Variants in MGST1 observed in about 807,000 individuals in gnomAD.
MGST1 encodes microsomal glutathione S-transferase 1, also known as glutathione S-transferase 12.
Under a neutral mutation model 8.9 loss-of-function variants are expected in MGST1, and 5 were observed. The observed-to-expected ratio is 0.56, with a 90% CI of 0.29 to 1.19. The LOEUF (loss-of-function observed/expected upper bound fraction) is 1.19, where lower values mean the gene tolerates loss of function less well. Ranked by LOEUF, MGST1 falls within the 50% of genes most tolerant of loss-of-function variation. MGST1 has a pLI of 0.08. For missense variants in MGST1, 182 were observed against 187.4 expected (o/e 0.97, Z 0.17); for synonymous variants, 54 against 67.8 (o/e 0.80, Z 1.00).
chr12:16,424,983 G>T (rs951461113), intron 1 of MGST1, among the ~76,000 whole-genome samples: 16 of 152,068 alleles, frequency 1.1e-4, no homozygotes, highest in African/African-American at 3.9e-4. Context: ...CTATATAATA[G>T]AATCAATCTA....
intron 1 of MGST1, chr12:16,399,236 G>C: frequency 6.5e-7 from 1 of 1,547,866 alleles, no homozygotes; most frequent in Admixed American, 1.8e-5. Flanking sequence ...TCAGGGTTTG[G>C]CTAGAGGAAG....
intron 4 of MGST1, among the ~76,000 whole-genome samples, chr12:16,444,183 GTTT>G (rs1161206533): frequency 2.3e-5 from 3 of 128,492 alleles, no homozygotes; most frequent in African/African-American, 2.9e-5. Context: ...GGCTGATTTG[GTTT>G]TTTTTTTTTT....
intron 4 of MGST1, among the ~76,000 whole-genome samples, chr12:16,561,188 T>TA (rs913685964): frequency 6.6e-6 from 1 of 152,072 alleles, no homozygotes; most frequent in Non-Finnish European, 1.5e-5. Context: ...GTCTAGGATT[T>TA]AAAAAAAATT....
rs1021553850 is a variant in MGST1 at position 16,369,891 on chromosome 12, C to T, written c.222-6231C>T. On this transcript the variant is annotated intron_variant, in intron 3 of 3. Coordinates refer to the MGST1 transcript ENST00000535309. This position sits in a 1 kb window ranked among gnomAD's most constrained non-coding sequence, Gnocchi z 4.8. ...ACATGCCCTTGGCCAGAGAAAGTCA[C>T]AGGGCTGGCCTCAGAACTAAAGTGC... The T allele has an allele frequency of 6.6e-5, 10 of 152,236 alleles. No homozygotes were observed. Among genetic ancestry groups the T allele is most frequent in the African/African-American group, 2.4e-4 (10 of 41,446 alleles). The allele number at this position is 152,236 out of a possible 1,614,324, so 9.4% of individuals were successfully genotyped here.
intron 4 of MGST1, among the ~76,000 whole-genome samples, chr12:16,505,470 A>C (rs550947252): frequency 6.6e-6 from 1 of 152,048 alleles, no homozygotes; most frequent in South Asian, 2.1e-4. Flanking sequence ...GTTCCTCCTG[A>C]TTTTACTTTC....
At chr12:16,446,175 A>G (rs1268588001) in intron 4 of MGST1, among the ~76,000 whole-genome samples, 2 of 151,898 alleles carry the variant, frequency 1.3e-5, no homozygotes, top group Non-Finnish European at 2.9e-5. Context: ...TCACTATCGA[A>G]TTAGTGCCCA....
chr12:16,348,372 G>T (rs1456614615), intron 1 of MGST1, among the ~76,000 whole-genome samples: 1 of 152,186 alleles, frequency 6.6e-6, no homozygotes, highest in East Asian at 1.9e-4. Context: ...CACTTCCCCA[G>T]TCTGGAGGAG....
chr12:16,439,522 C>G (rs1266240202), downstream of MGST1, among the ~76,000 whole-genome samples: 1 of 151,738 alleles, frequency 6.6e-6, no homozygotes, highest in South Asian at 2.1e-4. Flanking sequence ...ATAGCCTTGC[C>G]CTAGAGCATT....
Position 16,475,331 on chromosome 12 carries a change from T to G in MGST1, n.482+91727T>G, listed in dbSNP as rs151163608. ...CTCAGTTTGAAACCTCTGGCTTATA[T>G]ATTAAAGCTGATGAATACAATTTTA... is the stretch of plus-strand genomic sequence containing the variant. On this transcript the variant is annotated intron_variant and non_coding_transcript_variant, in intron 4 of 4. Transcript: ENST00000538857. Among the ~76,000 whole-genome samples, 657 of 152,344 alleles carry G rather than the reference T, an allele frequency of 4.3e-3. 5 individuals are homozygous for G. Among genetic ancestry groups the G allele is most frequent in the African/African-American group, 0.015 (629 of 41,586 alleles).
In MGST1 at chr12:16,549,384, C is replaced by T. The variant is rs553845796; in HGVS notation, n.483-40144C>T. The T allele has an allele frequency of 3.3e-5, 5 of 152,562 alleles. No homozygotes were observed. In the East Asian group the frequency reaches 9.6e-4, roughly 29 times the overall value. The allele number at this position is 152,562 out of a possible 1,614,324, so 9.5% of individuals were successfully genotyped here. A position where few individuals can be genotyped will look rare whatever the true frequency, so the allele number is the denominator to read the frequency against. On this transcript the variant is annotated intron_variant and non_coding_transcript_variant, in intron 4 of 4. Coordinates refer to the MGST1 transcript ENST00000538857. ...TAACCATGAAGCATTTGGAAAAATA[C>T]ATATCATTCACTTTTCACAGAACCA...
chr12:16,575,186 C>T (rs1942955200), intron 4 of MGST1, among the ~76,000 whole-genome samples: 2 of 152,152 alleles, frequency 1.3e-5, no homozygotes, highest in South Asian at 4.1e-4. Context: ...GCTCCCTATT[C>T]TCTTTTGCAG....
At chr12:16,421,263 T>G (rs1940833015) in intron 1 of MGST1, among the ~76,000 whole-genome samples, 1 of 152,110 alleles carries the variant, frequency 6.6e-6, no homozygotes, top group African/African-American at 2.4e-5. Context: ...TGATCAAAAT[T>G]CATTACCTCT....
intron 4 of MGST1, among the ~76,000 whole-genome samples, chr12:16,580,531 A>C (rs554290188): frequency 1.3e-5 from 2 of 152,202 alleles, no homozygotes; most frequent in Non-Finnish European, 2.9e-5. Flanking sequence ...CCTTTGGAGG[A>C]CTTTTCTGGG....
chr12:16,374,979 C>T (rs1940356250), intron 3 of MGST1, among the ~76,000 whole-genome samples: 1 of 152,146 alleles, frequency 6.6e-6, no homozygotes. Flanking sequence ...CTCCTGGGCT[C>T]AAGCGATCCT....
chr12:16,441,066 G>T (rs1426822554), downstream of MGST1, among the ~76,000 whole-genome samples: 1 of 151,480 alleles, frequency 6.6e-6, no homozygotes, highest in Non-Finnish European at 1.5e-5. Flanking sequence ...TTTTCCTACT[G>T]ATTTGTTGGA....
chr12:16,554,270 T>C (rs1000606781), intron 4 of MGST1, among the ~76,000 whole-genome samples: 4 of 152,180 alleles, frequency 2.6e-5, no homozygotes, highest in Non-Finnish European at 4.4e-5. Context: ...ACTGGTAACA[T>C]CCCTTTTAAG....
chr12:16,382,041 A>T (rs778591268), downstream of MGST1, among the ~76,000 whole-genome samples: 19 of 150,698 alleles, frequency 1.3e-4, no homozygotes, highest in Non-Finnish European at 2.5e-4. Flanking sequence ...CATTCATCTA[A>T]TTTTTTTTTC....
chr12:16,580,083 AATATG>A (rs1943112991), intron 4 of MGST1, among the ~76,000 whole-genome samples: 1 of 152,226 alleles, frequency 6.6e-6, no homozygotes, highest in Non-Finnish European at 1.5e-5. Flanking sequence ...GATATTATAC[AATATG>A]ATATCATTTA....
intron 4 of MGST1, among the ~76,000 whole-genome samples, chr12:16,506,582 G>A (rs1267148990): frequency 1.3e-5 from 2 of 152,152 alleles, no homozygotes; most frequent in African/African-American, 4.8e-5. Flanking sequence ...GTATAGAGCT[G>A]AGGTCATCAT....
Sources: allele counts gnomAD v4.1 joint callset (sites outside exome capture counted in the v4.1 genomes callset), GRCh38; gene constraint gnomAD v4.1.1; non-coding constraint Gnocchi (gnomAD v3.1); transcripts MANE v1.5; gene names NCBI Gene and HGNC (gene_info 2026-07-23, HGNC 2026-07-21).